NBEA: variants seen among roughly 807,000 people sequenced by gnomAD.
NBEA encodes the protein lysosomal-trafficking regulator 2.
In NBEA, 44 loss-of-function variants were observed where a neutral mutation model predicts 343.4. The ratio of observed to expected loss-of-function variants is 0.13; its 90% CI spans 0.10 to 0.16. NBEA has a LOEUF of 0.16. NBEA is among the 10% of genes least tolerant of loss of function. NBEA has a pLI of 1.00. For synonymous variants in NBEA, 1,175 were observed against 1,238.7 expected (o/e 0.95, Z 1.08); for missense variants, 2,555 against 3,631.3 (o/e 0.70, Z 7.62).
intron 16 of NBEA, among the ~76,000 whole-genome samples, chr13:35,120,513 C>G (rs1197907): frequency 0.073 from 11,169 of 152,182 alleles, 903 homozygotes; most frequent in African/African-American, 0.19. Flanking sequence ...ATTTATATGT[C>G]TGTTTTCTAG....
chr13:35,172,638 A>T (rs2070558876), intron 26 of NBEA, among the ~76,000 whole-genome samples: 1 of 152,070 alleles, frequency 6.6e-6, no homozygotes. Context: ...ATAATAATAA[A>T]ACACTTATAT....
At chr13:35,173,733 C>A in intron 27 of NBEA, 139 bp downstream of exon 27, 1 of 642,438 alleles carries the variant, frequency 1.6e-6, no homozygotes, top group Non-Finnish European at 2.3e-6. Flanking sequence ...GGCTGCTTAA[C>A]AATTTTGTTA....
intron 35 of NBEA, among the ~76,000 whole-genome samples, chr13:35,307,522 A>G (rs1411421142): frequency 6.6e-6 from 1 of 151,992 alleles, no homozygotes; most frequent in Non-Finnish European, 1.5e-5. Context: ...ATTTTTTTAG[A>G]CAAGGCATAC....
chr13:35,191,417 A>G (rs560325542), intron 30 of NBEA, among the ~76,000 whole-genome samples: 6 of 152,270 alleles, frequency 3.9e-5, no homozygotes, highest in African/African-American at 1.2e-4. Context: ...TTATGGGCGT[A>G]TAAGTTAGTA....
rs2153021204 is a variant in NBEA, at chr13:35,560,453, T to C, written c.6922+5351T>C. Among the ~76,000 whole-genome samples, 4 of 152,350 alleles carry C rather than the reference T, an allele frequency of 2.6e-5. No homozygotes were observed. The East Asian group carries it at 5.8e-4, about 22-fold the overall frequency. On this transcript the variant is annotated intron_variant, in intron 44 of 58. Transcript: ENST00000379939. ...GTACTAGATCTGGGCCTGGAATTAC[T>C]ATCTTTAATGTAGAAGCTGGCACTG...
At chr13:35,217,091 C>T (rs2074105781) in intron 33 of NBEA, among the ~76,000 whole-genome samples, 1 of 151,890 alleles carries the variant, frequency 6.6e-6, no homozygotes, top group African/African-American at 2.4e-5. Context: ...GTAGTGATAT[C>T]TTACTGTGGT....
At chr13:35,179,876 C>CT in intron 28 of NBEA, 2 of 749,240 alleles carry the variant, frequency 2.7e-6, no homozygotes, top group Non-Finnish European at 1.6e-6. Context: ...CTTCACTTCT[C>CT]TCTGTGTTTA....
Position 35,208,687 on chromosome 13 carries a change from C to T in NBEA, c.5367-13C>T, listed in dbSNP as rs73491631. 4.3e-4 allele frequency: 662 copies of T among 1,534,520 alleles called. 2 individuals carry two copies. In the African/African-American group the frequency reaches 8.0e-3, roughly 19 times the overall value. Reference sequence around the variant, plus strand: ...CTCATGTTTGTTATTTTCAATCCTTCATTTCTTTGCAGGAGTGTTGTGGTG... The same window carrying T: ...CTCATGTTTGTTATTTTCAATCCTTTATTTCTTTGCAGGAGTGTTGTGGTG... On this transcript the variant is annotated splice_polypyrimidine_tract_variant and intron_variant, in intron 31 of 58. Coordinates refer to ENST00000379939, the MANE Select transcript of NBEA (RefSeq NM_001385012.1).
At position 35,672,560 on chromosome 13, in the gene NBEA, G is replaced by A. The variant is rs1242961314; in HGVS notation, c.*1569G>A. On this transcript the variant is annotated 3_prime_UTR_variant, in exon 59 of 59. Transcript: ENST00000379939. ...TCTTGAGTTTGTAGCTTAGAATTGGGAGGATACTTAACATCTGGAAGACAA... is the reference window on the plus strand; with the variant it reads ...TCTTGAGTTTGTAGCTTAGAATTGGAAGGATACTTAACATCTGGAAGACAA... 6.6e-6 allele frequency: 1 copy of A among 152,608 alleles called. No individual in the cohort carries two copies. The highest frequency in any genetic ancestry group is 2.4e-5 in the African/African-American group (1 of 41,440). 9.5% of individuals were successfully genotyped at this position (152,608 alleles called of 1,614,324 possible).
At chr13:35,264,695 T>G (rs73489543) in intron 34 of NBEA, among the ~76,000 whole-genome samples, 2 of 151,762 alleles carry the variant, frequency 1.3e-5, no homozygotes, top group African/African-American at 4.8e-5. Flanking sequence ...ACCAAATTCA[T>G]TGTTTTTGCA....
chr13:35,229,746 TAAAG>T (rs1480503508), intron 33 of NBEA, among the ~76,000 whole-genome samples: 3 of 152,134 alleles, frequency 2.0e-5, no homozygotes, highest in Non-Finnish European at 4.4e-5. Flanking sequence ...TTTCAGGCGA[TAAAG>T]GAGGTTCTTA....
At chr13:35,031,227 G>A (rs968201109) in intron 1 of NBEA, among the ~76,000 whole-genome samples, 2 of 151,562 alleles carry the variant, frequency 1.3e-5, no homozygotes, top group African/African-American at 4.8e-5. Flanking sequence ...TATTTCTCGA[G>A]AACCTTTTCT....
At chr13:35,531,946 A>G (rs538551442) in intron 41 of NBEA, among the ~76,000 whole-genome samples, 9 of 152,110 alleles carry the variant, frequency 5.9e-5, no homozygotes, top group Admixed American at 1.3e-4. Context: ...ATCTTTTTAT[A>G]TATGTTTTTA....
chr13:35,571,342 G>C (rs929563273), intron 45 of NBEA, among the ~76,000 whole-genome samples: 1 of 152,170 alleles, frequency 6.6e-6, no homozygotes, highest in Admixed American at 6.5e-5. Context: ...AAAGTGGCTT[G>C]AACAATAGTG....
At chr13:35,215,050 G>C (rs2152756340) in intron 33 of NBEA, among the ~76,000 whole-genome samples, 1 of 151,368 alleles carries the variant, frequency 6.6e-6, no homozygotes, top group African/African-American at 2.4e-5. Flanking sequence ...CTGTATCGTA[G>C]CTTTATATTA....
intron 41 of NBEA, among the ~76,000 whole-genome samples, chr13:35,528,616 T>A (rs1219051061): frequency 6.6e-6 from 1 of 152,198 alleles, no homozygotes; most frequent in African/African-American, 2.4e-5. Context: ...CTCTTCTTGC[T>A]TTTACATGCC....
Position 35,171,421 on chromosome 13 carries a change from T to G in NBEA, c.4392T>G (p.Ser1464=). 6.2e-7 allele frequency: 1 copy of G among 1,611,876 alleles called. No individual in the cohort carries two copies. Among genetic ancestry groups the G allele is most frequent in the Non-Finnish European group, 8.5e-7 (1 of 1,178,416 alleles). Residue 1464 remains serine (S), a synonymous_variant, in exon 26 of 59, where the codon TCT becomes TCG. Coordinates refer to ENST00000379939, the MANE Select transcript of NBEA (RefSeq NM_001385012.1). Reference sequence around the variant, plus strand: ...TTGAAGCTGAGAAAAACATGTCTTCTGGAGGTTTAATGCGACAGTGCCTAA... The same window carrying G: ...TTGAAGCTGAGAAAAACATGTCTTCGGGAGGTTTAATGCGACAGTGCCTAA... ...SEIEAEKNMS[S]GGLMRQCLRL...
chr13:35,613,488 A>G (rs974190353), intron 48 of NBEA, among the ~76,000 whole-genome samples: 1 of 152,164 alleles, frequency 6.6e-6, no homozygotes, highest in Non-Finnish European at 1.5e-5. Flanking sequence ...CCTGGCTATT[A>G]TGAATAATGC....
At chr13:35,628,289 T>C (rs1334569682) in intron 49 of NBEA, 41 bp downstream of exon 49, 1 of 1,394,238 alleles carries the variant, frequency 7.2e-7, no homozygotes, top group South Asian at 1.5e-5. Context: ...ATTTCTGTCA[T>C]CTCTCAAACA....
Sources: allele counts gnomAD v4.1 joint callset (sites outside exome capture counted in the v4.1 genomes callset), GRCh38; gene constraint gnomAD v4.1.1; transcripts MANE v1.5; gene names NCBI Gene and HGNC (gene_info 2026-07-23, HGNC 2026-07-21).